The following MPHOSPH10 variants were observed in gnomAD, a reference collection of about 807,000 sequenced individuals.
The protein encoded by MPHOSPH10 is M-phase phosphoprotein 10.
A neutral mutation model predicts 77.3 loss-of-function variants in MPHOSPH10; 33 were observed. The observed-to-expected ratio is 0.43, with a 90% CI of 0.32 to 0.57. MPHOSPH10 has a LOEUF of 0.57. MPHOSPH10 is among the 20% of genes least tolerant of loss of function. The pLI is 0.07. For synonymous variants in MPHOSPH10, 245 were observed against 268.0 expected (o/e 0.91, Z 0.84); for missense variants, 708 against 780.1 (o/e 0.91, Z 1.10).
intron 1 of MPHOSPH10, 29 bp downstream of exon 1, chr2:71,130,783 G>A (rs776702606): frequency 6.3e-7 from 1 of 1,584,472 alleles, no homozygotes; most frequent in Non-Finnish European, 8.6e-7. Context: ...GGCTCGGGGT[G>A]CGACCGGGGT....
At chr2:71,142,062 C>T (rs1673625044) in intron 7 of MPHOSPH10, among the ~76,000 whole-genome samples, 1 of 151,980 alleles carries the variant, frequency 6.6e-6, no homozygotes. Flanking sequence ...GAAGAAATCG[C>T]TGGTTAAATA....
chr2:71,140,191 G>A (rs1308678013), intron 6 of MPHOSPH10, among the ~76,000 whole-genome samples: 1 of 152,180 alleles, frequency 6.6e-6, no homozygotes. Flanking sequence ...ATCTGGTGTG[G>A]TAAATTATTC....
chr2:71,149,795 T>C, intron 10 of MPHOSPH10, 71 bp from the exon 11 acceptor site: 1 of 1,254,792 alleles, frequency 8.0e-7, no homozygotes, highest in Non-Finnish European at 1.1e-6. Context: ...GTAATGGTGA[T>C]GTACTATTTT....
chr2:71,133,397 A>G lies in MPHOSPH10; in HGVS notation c.589A>G (p.Lys197Glu). The G allele has an allele frequency of 6.2e-7, 1 of 1,614,162 alleles. No homozygotes were observed. The highest frequency in any genetic ancestry group is 8.5e-7 in the Non-Finnish European group (1 of 1,180,016). ...QNKGQGKPRE[K>E]SIVDDKFFKL... ...CAAAGGACAGGGAAAACCAAGAGAA[A>G]AGTCCATAGTAGATGATAAATTCTT... The change falls in exon 2 of 11, where the codon AAG (lysine) becomes GAG (glutamate). Residue 197 changes from lysine to glutamate, a missense_variant. By Grantham distance (56) the Lys-to-Glu change is moderately conservative (BLOSUM62 1). Coordinates refer to ENST00000244230, the MANE Select transcript of MPHOSPH10 (RefSeq NM_005791.3).
At chr2:71,142,965 CA>C (rs1331476367) in intron 7 of MPHOSPH10, among the ~76,000 whole-genome samples, 1 of 152,048 alleles carries the variant, frequency 6.6e-6, no homozygotes, top group African/African-American at 2.4e-5. Context: ...GAGAGAGAAG[CA>C]TGAAATTTTC....
At chr2:71,138,989 G>A in intron 5 of MPHOSPH10, 1 of 521,582 alleles carries the variant, frequency 1.9e-6, no homozygotes, top group Non-Finnish European at 3.4e-6. Flanking sequence ...AGCCAAGGTT[G>A]TGCCAGTGTG....
At chr2:71,144,314 G>A in intron 7 of MPHOSPH10, 114 bp from the exon 8 acceptor site, 2 of 789,344 alleles carry the variant, frequency 2.5e-6, no homozygotes, top group Non-Finnish European at 4.0e-6. Context: ...ATGTTTCTTT[G>A]TAGCTGAAGC....
At chr2:71,134,178 A>G in intron 3 of MPHOSPH10, 73 bp downstream of exon 3, 1 of 1,424,314 alleles carries the variant, frequency 7.0e-7, no homozygotes, top group Non-Finnish European at 9.5e-7. Flanking sequence ...CGTAGTTATC[A>G]AATGTGTTTG....
At chr2:71,137,736 G>A (rs562584515) in intron 4 of MPHOSPH10, among the ~76,000 whole-genome samples, 1 of 151,606 alleles carries the variant, frequency 6.6e-6, no homozygotes, top group South Asian at 2.1e-4. Flanking sequence ...TGAAAGTGTT[G>A]GTATTTGGAG....
In MPHOSPH10 at chr2:71,149,986, G is replaced by T. The variant is rs370043873; in HGVS notation, c.2017G>T (p.Asp673Tyr). The T allele has an allele frequency of 9.1e-6, 13 of 1,425,150 alleles. No individual in the cohort carries two copies. In the African/African-American group the frequency reaches 1.7e-4, roughly 19 times the overall value. 88.3% of individuals were successfully genotyped at this position (1,425,150 alleles called of 1,614,324 possible). A position where few individuals can be genotyped will look rare whatever the true frequency, so the allele number is the denominator to read the frequency against. The change falls in exon 11 of 11, where the codon GAT (aspartate) becomes TAT (tyrosine). Residue 673 changes from aspartate to tyrosine, a missense_variant. Physicochemically the swap from Asp to Tyr is radical, Grantham distance 160. This residue lies in a region of MPHOSPH10 where 263 missense variants were observed against 320.0 expected (regional missense o/e 0.82). Transcript: ENST00000244230. Reference sequence around the variant, plus strand: ...AGAAAAGAAAAAGAAGAAAAGACAGGATATTTCTGTTCATAAATTAAAGCT... The same window carrying T: ...AGAAAAGAAAAAGAAGAAAAGACAGTATATTTCTGTTCATAAATTAAAGCT... ...KTEKKKKKRQ[D>Y]ISVHKLKL
In MPHOSPH10 at chr2:71,133,506, A is replaced by G. The variant is rs146320449; in HGVS notation, c.698A>G (p.Asp233Gly). Residue 233 changes from aspartate (D) to glycine (G), a missense_variant, in exon 2 of 11, where the codon GAT (aspartate) becomes GGT (glycine). Around this residue, in one of 3 missense-constraint regions of MPHOSPH10, gnomAD observed 433 missense variants for 432.6 expected, o/e 1.00. Transcript: ENST00000244230. ...RKDDNDEEEE[D>G]IDFFEDIDSD... ...GATGATAATGATGAGGAGGAGGAAG[A>G]TATTGATTTTTTTGAAGATATTGAT... 13 of 1,612,062 alleles carry G rather than the reference A, an allele frequency of 8.1e-6. No homozygotes were observed. Among genetic ancestry groups the G allele is most frequent in the Non-Finnish European group, 1.1e-5 (13 of 1,179,284 alleles).
Position 71,144,428 on chromosome 2 carries a change from C to CA in MPHOSPH10, c.1453dup (p.Thr485AsnfsTer34). The CA allele has an allele frequency of 6.2e-7, 1 of 1,612,310 alleles. No homozygotes were observed. Among genetic ancestry groups the CA allele is most frequent in the Non-Finnish European group, 8.5e-7 (1 of 1,178,788 alleles). On this transcript the variant is annotated frameshift_variant and splice_region_variant, in exon 8 of 11. Coordinates refer to ENST00000244230, the MANE Select transcript of MPHOSPH10 (RefSeq NM_005791.3). LOFTEE classifies it high-confidence loss of function. Reference sequence around the variant, plus strand: ...GACATTGTTGAACTTATTTCCTAAGCAAAAAACAGCAGAAGAAGAAAATCC... The same window carrying CA: ...GACATTGTTGAACTTATTTCCTAAGCAAAAAAACAGCAGAAGAAGAAAATCC...
chr2:71,144,047 AC>A (rs1408860081), intron 7 of MPHOSPH10, among the ~76,000 whole-genome samples: 18 of 152,180 alleles, frequency 1.2e-4, no homozygotes, highest in Middle Eastern at 6.8e-3. Flanking sequence ...TTACATTCCT[AC>A]CTATCAACAA....
At chr2:71,147,622 G>A (rs1017204648) in intron 8 of MPHOSPH10, among the ~76,000 whole-genome samples, 2 of 151,890 alleles carry the variant, frequency 1.3e-5, no homozygotes, top group African/African-American at 4.8e-5. Context: ...GCAGTGAGCC[G>A]AGATAGCGCC....
intron 7 of MPHOSPH10, among the ~76,000 whole-genome samples, chr2:71,142,931 A>G (rs867512835): frequency 3.3e-5 from 5 of 152,280 alleles, no homozygotes; most frequent in Middle Eastern, 3.4e-3. Flanking sequence ...CATTTAGAAT[A>G]AGCATTTGGG....
At position 71,132,756 on chromosome 2, in the gene MPHOSPH10, A is replaced by G; in HGVS notation, c.90-142A>G. On this transcript the variant is annotated intron_variant, in intron 1 of 10. Coordinates refer to ENST00000244230, the MANE Select transcript of MPHOSPH10 (RefSeq NM_005791.3). ...ATATATCAGTGTAGCTCATCAGCTT[A>G]TATGTTGTTGGGGGCCAGAATCTAT... The G allele has an allele frequency of 2.7e-6, 3 of 1,109,838 alleles. No individual in the cohort carries two copies. The Admixed American group carries it at 8.9e-5, about 33-fold the overall frequency. 68.7% of individuals were successfully genotyped at this position (1,109,838 alleles called of 1,614,324 possible). A position where few individuals can be genotyped will look rare whatever the true frequency, so the allele number is the denominator to read the frequency against.
At chr2:71,131,901 G>T (rs1352287478) in intron 1 of MPHOSPH10, among the ~76,000 whole-genome samples, 3 of 152,178 alleles carry the variant, frequency 2.0e-5, no homozygotes, top group Admixed American at 6.5e-5. Context: ...CTTGGCTCCT[G>T]CAGGCCATCT....
At chr2:71,143,916 A>G (rs1044429197) in intron 7 of MPHOSPH10, among the ~76,000 whole-genome samples, 1 of 152,060 alleles carries the variant, frequency 6.6e-6, no homozygotes, top group Non-Finnish European at 1.5e-5. Flanking sequence ...TATTTGTTTG[A>G]GTATCTATTT....
intron 8 of MPHOSPH10, 34 bp downstream of exon 8, chr2:71,144,572 G>A (rs947210572): frequency 2.0e-6 from 3 of 1,484,236 alleles, no homozygotes; most frequent in Non-Finnish European, 9.4e-7. Context: ...TGTAGCTAGA[G>A]CAGGGTGACC....
Sources: gnomAD v4.1 joint callset for allele counts (sites outside exome capture counted in the v4.1 genomes callset) on GRCh38, gnomAD v4.1.1 for gene constraint, gnomAD v4.1.1 regional missense constraint, MANE v1.5 for transcripts, NCBI Gene and HGNC (gene_info 2026-07-23, HGNC 2026-07-21) for gene names.